The following NAV3 variants were observed in gnomAD, a reference collection of about 807,000 sequenced individuals.
NAV3 encodes the protein neuron navigator 3.
In NAV3, 87 loss-of-function variants were observed where a neutral mutation model predicts 244.7. The ratio of observed to expected loss-of-function variants is 0.36; its 90% CI spans 0.30 to 0.42. NAV3 has a LOEUF of 0.42. Among genes scored for constraint, NAV3 ranks in the 20% least tolerant of loss-of-function variants. The pLI is 1.00. For missense variants in NAV3, 2,663 were observed against 2,893.3 expected (o/e 0.92, Z 1.83); for synonymous variants, 1,126 against 1,042.2 (o/e 1.08, Z -1.55).
chr12:77,961,255 T>C (rs1477515587), intron 3 of NAV3, among the ~76,000 whole-genome samples: 1 of 118,376 alleles, frequency 8.4e-6, no homozygotes, highest in African/African-American at 2.7e-5. Context: ...TATTAAAGTA[T>C]ATGTCATATA....
At chr12:78,177,748 C>T in intron 28 of NAV3, 63 bp downstream of exon 28, 1 of 1,456,744 alleles carries the variant, frequency 6.9e-7, no homozygotes, top group Non-Finnish European at 9.4e-7. Flanking sequence ...GTAGTGTTTG[C>T]TTTTGCTTTT....
At chr12:77,793,121 A>G (rs1592687561) in intron 2 of NAV3, among the ~76,000 whole-genome samples, 1 of 152,200 alleles carries the variant, frequency 6.6e-6, no homozygotes, top group South Asian at 2.1e-4. Context: ...TTGAAAAAAT[A>G]TGAACAATAA....
intron 12 of NAV3, among the ~76,000 whole-genome samples, chr12:78,069,767 A>G (rs1209174396): frequency 1.3e-5 from 2 of 151,978 alleles, no homozygotes. Context: ...TGAACTTACT[A>G]GGAGATGCCT....
chr12:78,212,444 G>A lies in NAV3; in HGVS notation c.*1927G>A, dbSNP rs1003987184. On this transcript the variant is annotated 3_prime_UTR_variant, in exon 40 of 40. Coordinates refer to ENST00000397909, the MANE Select transcript of NAV3 (RefSeq NM_001024383.2). Reference sequence around the variant, plus strand: ...TTTTCAGAGTGTCACAAAGTCAATAGGTCCTTACACGGTGCTATTGCCCTA... The same window carrying A: ...TTTTCAGAGTGTCACAAAGTCAATAAGTCCTTACACGGTGCTATTGCCCTA... The A allele has an allele frequency of 6.6e-6, 1 of 152,582 alleles. No individual in the cohort carries two copies. Among genetic ancestry groups the A allele is most frequent in the Non-Finnish European group, 1.5e-5 (1 of 68,034 alleles). 9.5% of individuals were successfully genotyped at this position (152,582 alleles called of 1,614,324 possible).
chr12:78,203,816 T>C (rs1379596463), intron 38 of NAV3, among the ~76,000 whole-genome samples: 1 of 151,018 alleles, frequency 6.6e-6, no homozygotes, highest in Admixed American at 6.6e-5. Context: ...TTTCACTTTT[T>C]TTCTGTGCCC....
At chr12:77,943,008 T>C (rs1890021616) in intron 3 of NAV3, among the ~76,000 whole-genome samples, 1 of 152,190 alleles carries the variant, frequency 6.6e-6, no homozygotes, top group Non-Finnish European at 1.5e-5. Context: ...TACTTGGCTA[T>C]CATTCCAATT....
intron 18 of NAV3, among the ~76,000 whole-genome samples, chr12:78,135,133 A>C (rs957997915): frequency 1.3e-5 from 2 of 152,170 alleles, no homozygotes; most frequent in South Asian, 2.1e-4. Flanking sequence ...CATTCAAAAA[A>C]TTATCTTTGT....
intron 1 of NAV3, among the ~76,000 whole-genome samples, chr12:77,877,647 C>T (rs1347481043): frequency 6.6e-6 from 1 of 152,004 alleles, no homozygotes; most frequent in African/African-American, 2.4e-5. Flanking sequence ...TAGACCAATC[C>T]CCCATGCATA....
intron 2 of NAV3, among the ~76,000 whole-genome samples, chr12:77,674,327 T>C (rs1411314121): frequency 6.6e-6 from 1 of 152,190 alleles, no homozygotes; most frequent in Non-Finnish European, 1.5e-5. Flanking sequence ...TCTACCCACA[T>C]GTTCTTTGGA....
At chr12:77,801,084 A>G (rs1871680660) in intron 2 of NAV3, among the ~76,000 whole-genome samples, 1 of 152,102 alleles carries the variant, frequency 6.6e-6, no homozygotes, top group South Asian at 2.1e-4. Flanking sequence ...ATCCAGATAG[A>G]CCTCAGGTAC....
chr12:78,154,243 TTATATATTACTATATAATATATAG>T lies in NAV3; in HGVS notation c.4786-4943_4786-4920del, dbSNP rs967327962. ...TATGCCTATATATGCACCTATATAT[TTATATATTACTATATAATATATAG>T]TATATATTACTATATATACTACTAT... On this transcript the variant is annotated intron_variant, in intron 22 of 39. Transcript: ENST00000397909. Among the ~76,000 whole-genome samples the T allele has an allele frequency of 6.9e-5, 5 of 72,042 alleles. No homozygotes were observed. The East Asian group carries it at 1.8e-3, about 27-fold the overall frequency. 47.3% of individuals were successfully genotyped at this position (72,042 alleles called of 152,430 possible). A position where few individuals can be genotyped will look rare whatever the true frequency, so the allele number is the denominator to read the frequency against.
At chr12:77,675,406 C>G (rs1319835430) in intron 2 of NAV3, among the ~76,000 whole-genome samples, 1 of 152,018 alleles carries the variant, frequency 6.6e-6, no homozygotes, top group Non-Finnish European at 1.5e-5. Context: ...TTTCCTTCAG[C>G]TCTGCTTTTA....
At chr12:77,717,194 T>G (rs966688550) in intron 2 of NAV3, among the ~76,000 whole-genome samples, 1 of 152,058 alleles carries the variant, frequency 6.6e-6, no homozygotes, top group Non-Finnish European at 1.5e-5. Flanking sequence ...CTATTAACTA[T>G]ATGCATATTA....
intron 2 of NAV3, among the ~76,000 whole-genome samples, chr12:77,738,749 G>T (rs1868272497): frequency 1.3e-5 from 2 of 152,106 alleles, no homozygotes; most frequent in East Asian, 3.9e-4. Context: ...CGTGGCTCAC[G>T]CCTGTAATGC....
At chr12:78,024,050 C>T (rs1029715117) in intron 9 of NAV3, among the ~76,000 whole-genome samples, 5 of 152,162 alleles carry the variant, frequency 3.3e-5, no homozygotes, top group Non-Finnish European at 4.4e-5. Context: ...TTTCAGTATT[C>T]TTCCTTTTGT....
At chr12:78,209,887 G>T (rs1169563095) in intron 39 of NAV3, among the ~76,000 whole-genome samples, 1 of 152,162 alleles carries the variant, frequency 6.6e-6, no homozygotes, top group Non-Finnish European at 1.5e-5. Context: ...CTCCTCCCGA[G>T]GTCAGCTCCT....
At chr12:77,956,950 C>T (rs1024194164) in intron 3 of NAV3, among the ~76,000 whole-genome samples, 6 of 152,066 alleles carry the variant, frequency 3.9e-5, no homozygotes, top group African/African-American at 1.4e-4. Flanking sequence ...ACCATGTTGG[C>T]CAGGCTGGTC....
intron 1 of NAV3, among the ~76,000 whole-genome samples, chr12:77,936,842 T>G (rs1353790982): frequency 6.6e-6 from 1 of 152,168 alleles, no homozygotes; most frequent in Non-Finnish European, 1.5e-5. Context: ...TTTAAATACA[T>G]TTTTATACCA....
chr12:78,024,389 G>A (rs1007001606), intron 9 of NAV3, among the ~76,000 whole-genome samples: 3 of 152,062 alleles, frequency 2.0e-5, no homozygotes, highest in Non-Finnish European at 2.9e-5. Context: ...TAATGCTCCT[G>A]GCAGTCAGTC....
Sources: gnomAD v4.1 joint callset for allele counts (sites outside exome capture counted in the v4.1 genomes callset) on GRCh38, gnomAD v4.1.1 for gene constraint, MANE v1.5 for transcripts, NCBI Gene and HGNC (gene_info 2026-07-23, HGNC 2026-07-21) for gene names.